TTC23L: variants seen among roughly 807,000 people sequenced by gnomAD.
The protein encoded by TTC23L is tetratricopeptide repeat domain 23 like.
In TTC23L, 42 loss-of-function variants were observed where a neutral mutation model predicts 48.1. The ratio of observed to expected loss-of-function variants is 0.87; its 90% CI spans 0.68 to 1.13. The LOEUF is 1.13. Ranked by LOEUF, TTC23L falls within the 50% of genes most tolerant of loss-of-function variation. The pLI is 0.00. For synonymous variants in TTC23L, 159 were observed against 157.2 expected (o/e 1.01, Z -0.09); for missense variants, 391 against 421.0 (o/e 0.93, Z 0.62).
downstream of TTC23L, among the ~76,000 whole-genome samples, chr5:34,899,616 C>T (rs550913924): frequency 2.0e-5 from 3 of 152,238 alleles, no homozygotes; most frequent in East Asian, 5.8e-4. Flanking sequence ...CCTGGCTGGG[C>T]GCGGTGGCTC....
At chr5:34,925,204 A>G in the TTC23L span, 5 of 1,484,014 alleles carry the variant, frequency 3.4e-6, no homozygotes, top group Non-Finnish European at 4.5e-6. Context: ...AAAAGCATCT[A>G]ATCTTTTTTT....
At chr5:34,858,817 G>T (rs1441417175) in intron 4 of TTC23L, among the ~76,000 whole-genome samples, 3 of 152,116 alleles carry the variant, frequency 2.0e-5, no homozygotes, top group Admixed American at 1.3e-4. Flanking sequence ...TCCCTTTAGG[G>T]CTTAAAATAT....
the TTC23L span, among the ~76,000 whole-genome samples, chr5:34,904,592 CAA>C: frequency 1.8e-4 from 19 of 107,474 alleles, no homozygotes; most frequent in Admixed American, 2.9e-4. Flanking sequence ...GACTCCATCT[CAA>C]AAAAAAAAAA....
At chr5:34,873,896 C>G (rs1328736633) in intron 8 of TTC23L, among the ~76,000 whole-genome samples, 2 of 151,994 alleles carry the variant, frequency 1.3e-5, no homozygotes, top group Admixed American at 6.6e-5. Context: ...CAACCTCTGC[C>G]CAAATCAGTA....
intron 4 of TTC23L, among the ~76,000 whole-genome samples, chr5:34,854,010 C>G (rs1431504301): frequency 6.6e-6 from 1 of 152,176 alleles, no homozygotes; most frequent in African/African-American, 2.4e-5. Context: ...GGAGGTTGGC[C>G]TAGATCTTCT....
chr5:34,905,254 C>T, the TTC23L span: 1 of 152,178 alleles, frequency 6.6e-6, no homozygotes, highest in Non-Finnish European at 1.5e-5. Context: ...ATACTATACA[C>T]TCCGATTTCT....
chr5:34,886,438 G>T (rs964831571), intron 9 of TTC23L, among the ~76,000 whole-genome samples: 5 of 150,974 alleles, frequency 3.3e-5, no homozygotes, highest in African/African-American at 4.9e-5. Context: ...AAAGTCCCAG[G>T]TATTCAGCTA....
intron 9 of TTC23L, among the ~76,000 whole-genome samples, chr5:34,891,034 T>C (rs1450352656): frequency 6.6e-6 from 1 of 152,204 alleles, no homozygotes; most frequent in East Asian, 1.9e-4. Flanking sequence ...TTCTGAAAGT[T>C]AATGAGATGA....
the TTC23L span, chr5:34,908,738 C>A: frequency 2.6e-6 from 4 of 1,540,554 alleles, no homozygotes; most frequent in East Asian, 4.5e-5. Context: ...CATAAATGTA[C>A]ACATAAATAT....
chr5:34,923,245 C>T, the TTC23L span: 1 of 1,558,606 alleles, frequency 6.4e-7, no homozygotes, highest in Non-Finnish European at 8.8e-7. Context: ...GTAAGCTTTA[C>T]TTGATTTTTA....
intron 10 of TTC23L, 34 bp downstream of exon 10, chr5:34,896,909 T>C: frequency 1.5e-6 from 1 of 688,246 alleles, no homozygotes; most frequent in East Asian, 2.7e-5. Context: ...CAGGGCAGCA[T>C]GTCCTGAAAG....
chr5:34,912,653 T>C, the TTC23L span, among the ~76,000 whole-genome samples: 1 of 152,158 alleles, frequency 6.6e-6, no homozygotes, highest in African/African-American at 2.4e-5. Context: ...GCAATTCAAT[T>C]TCACCATTCT....
intron 9 of TTC23L, among the ~76,000 whole-genome samples, chr5:34,881,975 C>T (rs1762252981): frequency 6.6e-6 from 1 of 152,002 alleles, no homozygotes; most frequent in Non-Finnish European, 1.5e-5. Context: ...AGGCTGGTCT[C>T]GAACTCCCAC....
At chr5:34,910,889 G>C in the TTC23L span, among the ~76,000 whole-genome samples, 5 of 152,222 alleles carry the variant, frequency 3.3e-5, no homozygotes, top group Non-Finnish European at 5.9e-5. Context: ...CCTGAAAAGA[G>C]ACTTGTGTTA....
chr5:34,901,295 A>C (rs1263793388), downstream of TTC23L, among the ~76,000 whole-genome samples: 1 of 151,982 alleles, frequency 6.6e-6, no homozygotes, highest in East Asian at 1.9e-4. Context: ...GTTCAAACCC[A>C]TGTTGTTCAA....
At chr5:34,846,600 T>TATATATATATATATATATATATACAC (rs61009546) in intron 3 of TTC23L, among the ~76,000 whole-genome samples, 3 of 92,912 alleles carry the variant, frequency 3.2e-5, no homozygotes, top group African/African-American at 1.6e-4. Flanking sequence ...TATATATATA[T>TATATATATATATATATATATATACAC]ACACACACAT....
At chr5:34,923,379 A>G in the TTC23L span, 7 of 637,960 alleles carry the variant, frequency 1.1e-5, no homozygotes, top group Non-Finnish European at 1.9e-5. Context: ...TCCCGGGTTC[A>G]AGCTTCTGCT....
At chr5:34,872,105 C>T (rs1032411395) in intron 8 of TTC23L, among the ~76,000 whole-genome samples, 6 of 150,694 alleles carry the variant, frequency 4.0e-5, no homozygotes, top group African/African-American at 1.2e-4. Context: ...TAGTGAGACC[C>T]CATCTCTACC....
At position 34,880,156 on chromosome 5, in the gene TTC23L, TAAATA is replaced by T; in HGVS notation, c.950-23_950-19del. The T allele has an allele frequency of 6.3e-7, 1 of 1,597,932 alleles. No homozygotes were observed. Among genetic ancestry groups the T allele is most frequent in the Non-Finnish European group, 8.5e-7 (1 of 1,174,362 alleles). On this transcript the variant is annotated intron_variant, in intron 8 of 10. Transcript: ENST00000505624. ...ATTTGTAAAGGTTAGCAGCTTGCCT[TAAATA>T]ATTGTTTCAATTTTTCCAGATGCTG...
Sources: allele counts gnomAD v4.1 joint callset (sites outside exome capture counted in the v4.1 genomes callset), GRCh38; gene constraint gnomAD v4.1.1; transcripts MANE v1.5; gene names NCBI Gene and HGNC (gene_info 2026-07-23, HGNC 2026-07-21).